The following LRRC4C variants were observed in gnomAD, a reference collection of about 807,000 sequenced individuals.
LRRC4C encodes leucine rich repeat containing 4C.
In LRRC4C, 5 loss-of-function variants were observed where a neutral mutation model predicts 33.6. The observed-to-expected ratio is 0.15, with a 90% CI of 0.08 to 0.31. LRRC4C has a LOEUF of 0.31. LRRC4C is among the 10% of genes least tolerant of loss of function. LRRC4C has a pLI of 1.00. For missense variants in LRRC4C, 560 were observed against 796.7 expected, an observed-to-expected ratio of 0.70 and a Z score of 3.58; for synonymous variants, 329 against 302.0, an observed-to-expected ratio of 1.09 and a Z score of -0.93.
intron 1 of LRRC4C, among the ~76,000 whole-genome samples, chr11:41,188,241 A>T (rs1429831308): frequency 2.0e-5 from 3 of 152,158 alleles, no homozygotes; most frequent in Admixed American, 2.0e-4. Context: ...CCAATTGGGG[A>T]AAGCAAGAAT....
At chr11:40,154,899 C>T (rs1234290310) in intron 5 of LRRC4C, among the ~76,000 whole-genome samples, 2 of 152,128 alleles carry the variant, frequency 1.3e-5, no homozygotes, top group Admixed American at 1.3e-4. Flanking sequence ...CCACAGGATA[C>T]ACATTCTATT....
At chr11:40,167,916 A>T (rs374308351) in intron 5 of LRRC4C, among the ~76,000 whole-genome samples, 57 of 152,114 alleles carry the variant, frequency 3.7e-4, no homozygotes, top group African/African-American at 1.3e-3. Flanking sequence ...TGGTGGCACA[A>T]GCCTGTAATC....
chr11:40,619,099 T>A (rs1025925924), intron 3 of LRRC4C, among the ~76,000 whole-genome samples: 3 of 151,614 alleles, frequency 2.0e-5, no homozygotes, highest in African/African-American at 7.3e-5. Flanking sequence ...TCAAAACAAT[T>A]GAACTCATGA....
intron 1 of LRRC4C, among the ~76,000 whole-genome samples, chr11:40,979,148 C>T (rs1852315875): frequency 6.6e-6 from 1 of 152,120 alleles, no homozygotes; most frequent in South Asian, 2.1e-4. Flanking sequence ...AATTCTCATA[C>T]TAGGCATATG....
chr11:40,806,918 TAAGAG>T (rs1192961301), intron 2 of LRRC4C, among the ~76,000 whole-genome samples: 1 of 152,082 alleles, frequency 6.6e-6, no homozygotes, highest in African/African-American at 2.4e-5. Flanking sequence ...TCTAGAAAAT[TAAGAG>T]GAGAGAGTTT....
At chr11:40,512,232 A>G (rs1344197996) in intron 3 of LRRC4C, among the ~76,000 whole-genome samples, 1 of 152,066 alleles carries the variant, frequency 6.6e-6, no homozygotes, top group Non-Finnish European at 1.5e-5. Flanking sequence ...AAAATTAGCC[A>G]GTTGTGGTGG....
chr11:40,854,213 C>T (rs1272474961), intron 2 of LRRC4C, among the ~76,000 whole-genome samples: 1 of 152,080 alleles, frequency 6.6e-6, no homozygotes, highest in Non-Finnish European at 1.5e-5. Context: ...ATGGTTTAAC[C>T]TCAGTTTATT....
chr11:41,413,342 T>A (rs925083713), intron 1 of LRRC4C, among the ~76,000 whole-genome samples: 5 of 152,170 alleles, frequency 3.3e-5, no homozygotes, highest in Non-Finnish European at 7.4e-5. Context: ...TTAATGGTAA[T>A]ACCAATTATG....
intron 3 of LRRC4C, among the ~76,000 whole-genome samples, chr11:40,592,806 A>G (rs1309784039): frequency 6.6e-6 from 1 of 152,144 alleles, no homozygotes; most frequent in Non-Finnish European, 1.5e-5. Context: ...CAGTCTTATT[A>G]CCTGAAAAAA....
chr11:41,055,847 T>C (rs1459248578), intron 1 of LRRC4C, among the ~76,000 whole-genome samples: 1 of 152,210 alleles, frequency 6.6e-6, no homozygotes. Flanking sequence ...GGTGTTAGGC[T>C]GTTAAAAACC....
chr11:41,156,479 T>C (rs954900979), intron 1 of LRRC4C, among the ~76,000 whole-genome samples: 2 of 152,140 alleles, frequency 1.3e-5, no homozygotes, highest in African/African-American at 4.8e-5. Context: ...CCACTTAACA[T>C]TAACAATTTC....
intron 5 of LRRC4C, among the ~76,000 whole-genome samples, chr11:40,215,279 A>T (rs1863894208): frequency 6.6e-6 from 1 of 152,204 alleles, no homozygotes; most frequent in South Asian, 2.1e-4. Context: ...AAGTTCAAGG[A>T]GCTGCTGAGA....
intron 1 of LRRC4C, among the ~76,000 whole-genome samples, chr11:41,301,055 TA>T (rs1408752951): frequency 2.0e-5 from 3 of 152,176 alleles, no homozygotes; most frequent in Non-Finnish European, 4.4e-5. Context: ...AAAACCCTCT[TA>T]AATGCCGTCA....
At chr11:41,232,823 A>G (rs1203158958) in intron 1 of LRRC4C, among the ~76,000 whole-genome samples, 1 of 151,726 alleles carries the variant, frequency 6.6e-6, no homozygotes, top group Non-Finnish European at 1.5e-5. Context: ...CACACAGTCA[A>G]ATAAGAACAA....
At chr11:40,885,949 C>A (rs1955434052) in intron 2 of LRRC4C, among the ~76,000 whole-genome samples, 1 of 152,106 alleles carries the variant, frequency 6.6e-6, no homozygotes, top group Non-Finnish European at 1.5e-5. Flanking sequence ...GGGCTAGGAG[C>A]AAGCAGACAG....
intron 2 of LRRC4C, among the ~76,000 whole-genome samples, chr11:40,778,401 T>A (rs1293377898): frequency 3.9e-5 from 6 of 152,198 alleles, no homozygotes; most frequent in Non-Finnish European, 5.9e-5. Context: ...TAATATCACT[T>A]TACAGATGAG....
intron 1 of LRRC4C, among the ~76,000 whole-genome samples, chr11:41,036,319 A>AAATATATTCCAAG (rs1440168057): frequency 6.6e-6 from 1 of 152,194 alleles, no homozygotes; most frequent in Non-Finnish European, 1.5e-5. Context: ...AAGGCATTAT[A>AAATATATTCCAAG]GCAGATAAAT....
intron 3 of LRRC4C, among the ~76,000 whole-genome samples, chr11:40,591,545 G>A (rs888188814): frequency 1.3e-5 from 2 of 152,300 alleles, no homozygotes; most frequent in East Asian, 1.9e-4. Flanking sequence ...AACTTCTCAG[G>A]TGTGTTTTAT....
chr11:41,301,623 A>G (rs1373745776), intron 1 of LRRC4C, among the ~76,000 whole-genome samples: 1 of 152,188 alleles, frequency 6.6e-6, no homozygotes, highest in Non-Finnish European at 1.5e-5. Flanking sequence ...CTCTGGAACC[A>G]TAGACTAGTG....
Sources: gnomAD v4.1 joint callset for allele counts (sites outside exome capture counted in the v4.1 genomes callset) on GRCh38, gnomAD v4.1.1 for gene constraint, MANE v1.5 for transcripts, NCBI Gene and HGNC (gene_info 2026-07-23, HGNC 2026-07-21) for gene names.